LPP: variants seen among roughly 807,000 people sequenced by gnomAD.
LPP encodes LIM domain containing preferred translocation partner in lipoma, also known as lipoma-preferred partner.
In LPP, 38 loss-of-function variants were observed where a neutral mutation model predicts 60.4. The ratio of observed to expected loss-of-function variants is 0.63; its 90% CI spans 0.49 to 0.83. LPP has a LOEUF of 0.83. LPP is among the 40% of genes least tolerant of loss of function. The pLI is 0.00. For synonymous variants in LPP, 328 were observed against 290.8 expected, an observed-to-expected ratio of 1.13 and a Z score of -1.30; for missense variants, 902 against 783.6, an observed-to-expected ratio of 1.15 and a Z score of -1.80.
intron 5 of LPP, among the ~76,000 whole-genome samples, chr3:188,508,908 A>G (rs527640851): frequency 6.6e-6 from 1 of 152,360 alleles, no homozygotes; most frequent in South Asian, 2.1e-4. Context: ...CAAATTTAGC[A>G]TGGACAAGAA....
intron 9 of LPP, among the ~76,000 whole-genome samples, chr3:188,779,140 C>A (rs1738783865): frequency 6.6e-6 from 1 of 151,954 alleles, no homozygotes; most frequent in Non-Finnish European, 1.5e-5. Flanking sequence ...AAAAAGATGT[C>A]CTTGAAAAAC....
At chr3:188,731,715 G>A (rs1334046888) in intron 8 of LPP, among the ~76,000 whole-genome samples, 2 of 151,898 alleles carry the variant, frequency 1.3e-5, no homozygotes, top group African/African-American at 4.8e-5. Flanking sequence ...GTAGAGACAG[G>A]GTTTCACCAT....
chr3:188,681,968 A>G (rs1195087565), intron 7 of LPP, among the ~76,000 whole-genome samples: 1 of 152,186 alleles, frequency 6.6e-6, no homozygotes, highest in Non-Finnish European at 1.5e-5. Context: ...CTTGAACAGC[A>G]CCTTTCAAGG....
chr3:188,542,221 C>A (rs576038102), intron 6 of LPP, among the ~76,000 whole-genome samples: 2 of 152,292 alleles, frequency 1.3e-5, no homozygotes, highest in South Asian at 4.1e-4. Flanking sequence ...TTAATACCTC[C>A]TCTGCTTATC....
At chr3:188,784,012 G>T (rs1002443445) in intron 9 of LPP, among the ~76,000 whole-genome samples, 1 of 151,918 alleles carries the variant, frequency 6.6e-6, no homozygotes, top group Non-Finnish European at 1.5e-5. Flanking sequence ...TGAGATTTTC[G>T]TGCACCCATC....
chr3:188,707,377 A>G (rs1156647324), intron 7 of LPP, among the ~76,000 whole-genome samples: 1 of 152,130 alleles, frequency 6.6e-6, no homozygotes, highest in Non-Finnish European at 1.5e-5. Context: ...TATACATTTT[A>G]TATGGAGTCT....
At chr3:188,773,787 C>T (rs906609993) in intron 9 of LPP, among the ~76,000 whole-genome samples, 2 of 151,990 alleles carry the variant, frequency 1.3e-5, no homozygotes, top group Non-Finnish European at 2.9e-5. Context: ...CGTAGTTTCT[C>T]CACAAAATGG....
chr3:188,536,628 TATTGATGGTAAA>T (rs1254048096), intron 6 of LPP, among the ~76,000 whole-genome samples: 14 of 152,346 alleles, frequency 9.2e-5, no homozygotes, highest in Admixed American at 9.1e-4. Flanking sequence ...TCTTTGCTTA[TATTGATGGTAAA>T]CAGTGGATCC....
intron 7 of LPP, among the ~76,000 whole-genome samples, chr3:188,666,639 C>G (rs762827782): frequency 6.6e-6 from 1 of 152,176 alleles, no homozygotes; most frequent in Non-Finnish European, 1.5e-5. Context: ...AAGAGAAATG[C>G]TTGCATGGAG....
chr3:188,483,360 T>C (rs1259070946), intron 4 of LPP, among the ~76,000 whole-genome samples: 3 of 152,216 alleles, frequency 2.0e-5, no homozygotes, highest in African/African-American at 7.2e-5. Context: ...TAAACTGTGA[T>C]GTTTTGATAA....
intron 4 of LPP, among the ~76,000 whole-genome samples, chr3:188,423,519 A>G (rs538038232): frequency 6.6e-6 from 1 of 152,234 alleles, no homozygotes; most frequent in Non-Finnish European, 1.5e-5. Flanking sequence ...AGGAATCGCC[A>G]CACTCTCGTC....
intron 8 of LPP, among the ~76,000 whole-genome samples, chr3:188,748,637 G>A (rs1368092164): frequency 6.6e-6 from 1 of 152,064 alleles, no homozygotes; most frequent in Non-Finnish European, 1.5e-5. Flanking sequence ...CAAAAAATTA[G>A]CTGGGCATGG....
chr3:188,671,635 G>C (rs181031860), intron 7 of LPP, among the ~76,000 whole-genome samples: 173 of 152,244 alleles, frequency 1.1e-3, no homozygotes, highest in African/African-American at 4.0e-3. Flanking sequence ...TGATAATCAA[G>C]GGGCAGTTGC....
At chr3:188,512,972 A>G (rs1270961095) in intron 5 of LPP, among the ~76,000 whole-genome samples, 4 of 152,208 alleles carry the variant, frequency 2.6e-5, no homozygotes, top group Admixed American at 6.5e-5. Context: ...AATCCACACA[A>G]TTGTTGCACA....
At chr3:188,837,783 G>C (rs748053391) in intron 9 of LPP, among the ~76,000 whole-genome samples, 2 of 152,120 alleles carry the variant, frequency 1.3e-5, no homozygotes, top group Non-Finnish European at 2.9e-5. Context: ...GATGCCTTAA[G>C]AAATATAAAG....
intron 3 of LPP, among the ~76,000 whole-genome samples, chr3:188,387,395 A>G (rs1322339329): frequency 6.6e-6 from 1 of 152,174 alleles, no homozygotes; most frequent in Non-Finnish European, 1.5e-5. Flanking sequence ...ATATTCTTGA[A>G]TGATTACAAT....
intron 7 of LPP, among the ~76,000 whole-genome samples, chr3:188,675,136 A>G (rs920562438): frequency 1.3e-5 from 2 of 152,204 alleles, no homozygotes; most frequent in African/African-American, 4.8e-5. Context: ...GCCCTGCTGG[A>G]AGGTAAATGA....
intron 5 of LPP, among the ~76,000 whole-genome samples, chr3:188,492,076 T>A (rs1366371733): frequency 6.6e-6 from 1 of 152,164 alleles, no homozygotes; most frequent in African/African-American, 2.4e-5. Context: ...AGTGAAAGAT[T>A]GGTTAACTGC....
intron 9 of LPP, among the ~76,000 whole-genome samples, chr3:188,789,111 C>G (rs962955938): frequency 2.0e-5 from 3 of 150,506 alleles, no homozygotes; most frequent in Non-Finnish European, 4.4e-5. Flanking sequence ...TTTTTTTTAG[C>G]AACAATGTAT....
Sources: allele counts gnomAD v4.1 joint callset (sites outside exome capture counted in the v4.1 genomes callset), GRCh38; gene constraint gnomAD v4.1.1; transcripts MANE v1.5; gene names NCBI Gene and HGNC (gene_info 2026-07-23, HGNC 2026-07-21).